MTMR8: variants seen among roughly 807,000 people sequenced by gnomAD.
MTMR8 encodes the protein phosphatidylinositol-3,5-bisphosphate 3-phosphatase MTMR8.
MTMR8 carries 65 observed loss-of-function variants against 39.3 expected under a neutral mutation model. The observed-to-expected ratio is 1.65, with a 90% CI of 1.35 to 2.03. The LOEUF (loss-of-function observed/expected upper bound fraction) is 2.03. Among genes scored for constraint, MTMR8 ranks in the 30% most tolerant of loss-of-function variants. MTMR8 has a pLI of 0.00. For missense variants in MTMR8, 777 were observed against 538.9 expected (o/e 1.44, Z -4.37); for synonymous variants, 245 against 185.2 (o/e 1.32, Z -2.62).
chrX:64,318,785 G>A (rs1602128887), intron 12 of MTMR8, among the ~76,000 whole-genome samples: 1 of 99,908 alleles, frequency 1.0e-5, no homozygotes, highest in South Asian at 4.8e-4. Flanking sequence ...TTGGCTTACT[G>A]CAACCTCCAC....
chrX:64,300,678 T>C (rs1295652535), intron 12 of MTMR8, among the ~76,000 whole-genome samples: 50 of 104,264 alleles, frequency 4.8e-4, no homozygotes, highest in African/African-American at 1.7e-3. Context: ...GTCTCGATGG[T>C]CTTTACATTT....
At chrX:64,334,590 A>G (rs1385003875) in intron 10 of MTMR8, among the ~76,000 whole-genome samples, 1 of 106,511 alleles carries the variant, frequency 9.4e-6, no homozygotes, top group Admixed American at 1.0e-4. Flanking sequence ...AAAAAAAAAA[A>G]AAAAACAGGG....
rs1352825444 is a variant in MTMR8, at chrX:64,270,960, T to C, written c.1595A>G (p.His532Arg). The change falls in exon 13 of 14, where the codon CAT (histidine) becomes CGT (arginine). Residue 532 changes from histidine (H) to arginine (R), a missense_variant. His to Arg is a conservative substitution (Grantham distance 29). Coordinates refer to ENST00000374852, the MANE Select transcript of MTMR8 (RefSeq NM_017677.4). ...KQRAMLETDV[H>R]ELEKKLKVRD... ...TTTTCTCCTCACCTTTTCTAGTTCA[T>C]GCACATCTGTCTCCAGCATTGCTCT... The C allele has an allele frequency of 5.8e-6, 7 of 1,207,820 alleles. No individual in the cohort carries two copies. In the African/African-American group the frequency reaches 1.1e-4, roughly 18 times the overall value.
intron 1 of MTMR8, among the ~76,000 whole-genome samples, chrX:64,363,648 A>G (rs1293979070): frequency 8.9e-6 from 1 of 112,047 alleles, no homozygotes; most frequent in Non-Finnish European, 1.9e-5. Context: ...AGGAACAGCT[A>G]CAGTCTGCAG....
chrX:64,353,814 C>T (rs1358950383), intron 4 of MTMR8, among the ~76,000 whole-genome samples: 1 of 110,308 alleles, frequency 9.1e-6, no homozygotes, highest in African/African-American at 3.3e-5. Flanking sequence ...ATGGTCCCAG[C>T]TACATGGGAG....
At chrX:64,387,321 A>C (rs1200958030) in intron 1 of MTMR8, among the ~76,000 whole-genome samples, 1 of 111,094 alleles carries the variant, frequency 9.0e-6, no homozygotes, top group Non-Finnish European at 1.9e-5. Flanking sequence ...AAAACTGGCC[A>C]CTCAGAAGAA....
rs914060945 is a variant in MTMR8 at position 64,337,477 on chromosome X, A to G, written c.976-84T>C. ...AAAGAGTTGCCAAATACTGTCCCTA[A>G]AGCACAGAGAACCTGGTCTTATGGG... On this transcript the variant is annotated intron_variant, in intron 8 of 13. Transcript: ENST00000374852. The G allele has an allele frequency of 4.9e-6, 5 of 1,020,387 alleles. No individual in the cohort carries two copies. The African/African-American group carries it at 9.6e-5, about 19-fold the overall frequency. 84.1% of individuals were successfully genotyped at this position (1,020,387 alleles called of 1,213,427 possible). A position where few individuals can be genotyped will look rare whatever the true frequency, so the allele number is the denominator to read the frequency against.
intron 4 of MTMR8, among the ~76,000 whole-genome samples, chrX:64,351,736 G>A (rs763940321): frequency 2.0e-4 from 22 of 111,523 alleles, no homozygotes; most frequent in Non-Finnish European, 2.8e-4. Context: ...TCCAAAAGCT[G>A]AAGTACTTGA....
In MTMR8 at chrX:64,352,667, G is replaced by A. The variant is rs190915210; in HGVS notation, c.468+2110C>T. 2.7e-5 allele frequency among the ~76,000 whole-genome samples: 3 copies of A among 111,488 alleles called. No homozygotes were observed. The East Asian group carries it at 8.5e-4, about 32-fold the overall frequency. ...ATCAAAGCCAAAACCAGGAAAGCTG[G>A]GATGCATATTAAATTCCTTCACTTT... is the stretch of plus-strand genomic sequence containing the variant. On this transcript the variant is annotated intron_variant, in intron 4 of 13. Transcript: ENST00000374852.
rs191166391 is a variant in MTMR8 at position 64,376,800 on chromosome X, A to G, written c.25-17273T>C. Among the ~76,000 whole-genome samples the G allele has an allele frequency of 3.0e-4, 34 of 112,081 alleles. 1 individual carries two copies. The East Asian group carries it at 9.4e-3, about 31-fold the overall frequency. On this transcript the variant is annotated intron_variant, in intron 1 of 13. Transcript: ENST00000374852. ...GATGTTAATAGCCAAAACAATGGAG[A>G]AAATACCTCAAAGGCATTTCAGAGA... is the stretch of plus-strand genomic sequence containing the variant.
chrX:64,339,333 C>T (rs1923156886), intron 8 of MTMR8, among the ~76,000 whole-genome samples: 1 of 111,156 alleles, frequency 9.0e-6, no homozygotes, highest in Non-Finnish European at 1.9e-5. Context: ...GTCAGGACTA[C>T]AAAAAGGGTT....
intron 12 of MTMR8, among the ~76,000 whole-genome samples, chrX:64,276,281 C>T (rs1931870045): frequency 9.1e-6 from 1 of 110,282 alleles, no homozygotes; most frequent in South Asian, 3.9e-4. Context: ...TGATCTAGTT[C>T]CAGATCTAGA....
chrX:64,392,691 C>T (rs1456404510), intron 1 of MTMR8, among the ~76,000 whole-genome samples: 1 of 111,199 alleles, frequency 9.0e-6, no homozygotes, highest in African/African-American at 3.3e-5. Flanking sequence ...CCAATCTATA[C>T]ACTTTTCTTT....
intron 12 of MTMR8, among the ~76,000 whole-genome samples, chrX:64,278,050 G>T (rs1254998400): frequency 1.8e-5 from 2 of 108,638 alleles, no homozygotes; most frequent in African/African-American, 6.7e-5. Context: ...GCTTCACAAA[G>T]TTCTCGTGCT....
chrX:64,346,353 A>C (rs757873185), intron 6 of MTMR8, among the ~76,000 whole-genome samples: 6 of 111,230 alleles, frequency 5.4e-5, no homozygotes, highest in African/African-American at 2.0e-4. Flanking sequence ...TGTGCTAAAC[A>C]TATTCTGTTT....
chrX:64,289,075 A>G (rs1318480752), intron 12 of MTMR8, among the ~76,000 whole-genome samples: 2 of 110,508 alleles, frequency 1.8e-5, no homozygotes, highest in Non-Finnish European at 3.8e-5. Context: ...AACAACAACA[A>G]CAACAATGAA....
At chrX:64,353,298 GAA>G (rs1923534061) in intron 4 of MTMR8, among the ~76,000 whole-genome samples, 2 of 111,927 alleles carry the variant, frequency 1.8e-5, no homozygotes, top group Non-Finnish European at 3.8e-5. Context: ...CCAACAAAGT[GAA>G]AAGACAACCC....
At chrX:64,288,785 G>A (rs1244384538) in intron 12 of MTMR8, among the ~76,000 whole-genome samples, 2 of 110,281 alleles carry the variant, frequency 1.8e-5, no homozygotes, top group African/African-American at 3.3e-5. Flanking sequence ...CCCAAACACC[G>A]CATGTTGTCA....
intron 12 of MTMR8, among the ~76,000 whole-genome samples, chrX:64,283,820 C>T (rs1921050044): frequency 8.9e-6 from 1 of 112,245 alleles, no homozygotes; most frequent in African/African-American, 3.2e-5. Context: ...AAAACCCCAT[C>T]TGTATGTCTC....
Sources: allele counts gnomAD v4.1 joint callset (sites outside exome capture counted in the v4.1 genomes callset), GRCh38; gene constraint gnomAD v4.1.1; transcripts MANE v1.5; gene names NCBI Gene and HGNC (gene_info 2026-07-23, HGNC 2026-07-21).